GALNT13: variants seen among roughly 807,000 people sequenced by gnomAD.
GALNT13 encodes polypeptide N-acetylgalactosaminyltransferase 13.
GALNT13 carries 28 observed loss-of-function variants against 64.2 expected under a neutral mutation model. The observed-to-expected ratio is 0.44, with a 90% CI of 0.32 to 0.60. GALNT13 has a LOEUF of 0.60. Ranked by LOEUF, GALNT13 falls within the 20% of genes least tolerant of loss-of-function variation. GALNT13 has a pLI of 0.05. For synonymous variants in GALNT13, 214 were observed against 224.6 expected (o/e 0.95, Z 0.42); for missense variants, 577 against 669.8 (o/e 0.86, Z 1.53).
chr2:153,954,367 A>T (rs6755886), intron 3 of GALNT13, among the ~76,000 whole-genome samples: 27,554 of 151,868 alleles, frequency 0.18, 4,631 homozygotes, highest in East Asian at 0.76. Context: ...AACACAATTG[A>T]TTTGGATTAA....
intron 9 of GALNT13, among the ~76,000 whole-genome samples, chr2:154,358,771 TA>T (rs1696895780): frequency 6.6e-6 from 1 of 152,110 alleles, no homozygotes; most frequent in East Asian, 1.9e-4. Flanking sequence ...CTAACTTAAC[TA>T]CTTAGATACT....
At chr2:153,533,408 C>T in the GALNT13 span, among the ~76,000 whole-genome samples, 3 of 151,884 alleles carry the variant, frequency 2.0e-5, no homozygotes, top group Non-Finnish European at 4.4e-5. Context: ...ACTGCCACCA[C>T]GTCCAGCTAA....
At chr2:154,155,975 T>G (rs1684393747) in intron 4 of GALNT13, among the ~76,000 whole-genome samples, 1 of 151,978 alleles carries the variant, frequency 6.6e-6, no homozygotes, top group Non-Finnish European at 1.5e-5. Context: ...TACATATATA[T>G]TCGACGTATA....
At chr2:154,345,170 A>G (rs932121974) in intron 9 of GALNT13, among the ~76,000 whole-genome samples, 10 of 152,034 alleles carry the variant, frequency 6.6e-5, no homozygotes, top group Non-Finnish European at 1.2e-4. Context: ...ACTCCTAAAG[A>G]TATTGTTGAT....
chr2:154,174,024 C>T (rs1250390637), intron 4 of GALNT13, among the ~76,000 whole-genome samples: 1 of 152,056 alleles, frequency 6.6e-6, no homozygotes, highest in Non-Finnish European at 1.5e-5. Flanking sequence ...TATGATCCAG[C>T]AAGTTTTCTG....
chr2:153,646,768 C>G, the GALNT13 span, among the ~76,000 whole-genome samples: 4 of 152,182 alleles, frequency 2.6e-5, no homozygotes, highest in South Asian at 8.3e-4. Context: ...CCAGCTTCAT[C>G]CATGTCCCTA....
At chr2:154,084,871 C>T (rs909040454) in intron 3 of GALNT13, among the ~76,000 whole-genome samples, 2 of 151,826 alleles carry the variant, frequency 1.3e-5, no homozygotes, top group Non-Finnish European at 2.9e-5. Context: ...TGAACATTTG[C>T]CTTAAATTTG....
At chr2:154,250,267 C>G in intron 7 of GALNT13, among the ~76,000 whole-genome samples, 1 of 152,068 alleles carries the variant, frequency 6.6e-6, no homozygotes, top group Middle Eastern at 3.4e-3. Context: ...AGCAGAACAC[C>G]AATGAGCCAT....
chr2:153,098,568 T>A, the GALNT13 span, among the ~76,000 whole-genome samples: 1 of 152,168 alleles, frequency 6.6e-6, no homozygotes, highest in Non-Finnish European at 1.5e-5. Context: ...CTTAAAAAAA[T>A]TTAAAATCAA....
At chr2:153,656,344 G>GCGCA in the GALNT13 span, among the ~76,000 whole-genome samples, 13 of 146,192 alleles carry the variant, frequency 8.9e-5, 1 homozygote, top group East Asian at 2.5e-3. Context: ...GTGTGTGCGC[G>GCGCA]CGCACATATG....
the GALNT13 span, among the ~76,000 whole-genome samples, chr2:153,185,797 A>G: frequency 2.0e-5 from 3 of 152,104 alleles, no homozygotes; most frequent in East Asian, 1.9e-4. Context: ...TGAGTTTACA[A>G]TGTGATTGTG....
At chr2:154,303,213 A>G (rs950337922) in intron 9 of GALNT13, among the ~76,000 whole-genome samples, 3 of 151,944 alleles carry the variant, frequency 2.0e-5, no homozygotes, top group Non-Finnish European at 4.4e-5. Context: ...CTCTGGTGAG[A>G]GAGAGGGCTT....
intron 1 of GALNT13, among the ~76,000 whole-genome samples, chr2:153,873,779 T>G (rs1237517293): frequency 6.6e-6 from 1 of 152,134 alleles, no homozygotes; most frequent in African/African-American, 2.4e-5. Flanking sequence ...TTTTCAGCTT[T>G]ATGTGAAAGC....
At chr2:153,307,026 G>A in the GALNT13 span, among the ~76,000 whole-genome samples, 6 of 152,178 alleles carry the variant, frequency 3.9e-5, no homozygotes, top group African/African-American at 7.2e-5. Context: ...ATGAGCCAAC[G>A]CACCCAGCTC....
chr2:153,914,140 T>G (rs1472477589), intron 2 of GALNT13, among the ~76,000 whole-genome samples: 1 of 152,222 alleles, frequency 6.6e-6, no homozygotes, highest in Non-Finnish European at 1.5e-5. Flanking sequence ...GTATTTTCTG[T>G]GTCTTATTGA....
intron 11 of GALNT13, among the ~76,000 whole-genome samples, chr2:154,425,542 G>A (rs1700433627): frequency 6.6e-6 from 1 of 152,142 alleles, no homozygotes; most frequent in South Asian, 2.1e-4. Context: ...AGGAGTCAGT[G>A]TTCTTGCCTT....
upstream of GALNT13, among the ~76,000 whole-genome samples, chr2:153,870,770 C>G (rs1471050281): frequency 6.6e-6 from 1 of 150,542 alleles, no homozygotes; most frequent in African/African-American, 2.5e-5. Context: ...ATATGTTTGT[C>G]AAACGTGGCT....
chr2:153,552,777 G>C, the GALNT13 span, among the ~76,000 whole-genome samples: 4 of 151,956 alleles, frequency 2.6e-5, no homozygotes, highest in Non-Finnish European at 5.9e-5. Context: ...ATGGTGGTTG[G>C]GGGGATGGTT....
At chr2:153,845,511 C>T in the GALNT13 span, among the ~76,000 whole-genome samples, 1 of 152,162 alleles carries the variant, frequency 6.6e-6, no homozygotes, top group Non-Finnish European at 1.5e-5. Flanking sequence ...TGGCCCAAGC[C>T]ATTCATGAGG....
Sources: allele counts gnomAD v4.1 joint callset (sites outside exome capture counted in the v4.1 genomes callset), GRCh38; gene constraint gnomAD v4.1.1; transcripts MANE v1.5; gene names NCBI Gene and HGNC (gene_info 2026-07-23, HGNC 2026-07-21).